NLGN1: variants seen among roughly 807,000 people sequenced by gnomAD.
NLGN1 encodes the protein neuroligin 1, also known as neuroligin-1.
In NLGN1, 12 loss-of-function variants were observed where a neutral mutation model predicts 65.5. The observed-to-expected ratio is 0.18, with a 90% CI of 0.12 to 0.30. The LOEUF (loss-of-function observed/expected upper bound fraction) is 0.30. Among genes scored for constraint, NLGN1 ranks in the 10% least tolerant of loss-of-function variants. The pLI, the probability that NLGN1 is intolerant of heterozygous loss-of-function variation, is 1.00. For missense variants in NLGN1, 750 were observed against 1,007.1 expected, an observed-to-expected ratio of 0.74 and a Z score of 3.46; for synonymous variants, 350 against 359.5, an observed-to-expected ratio of 0.97 and a Z score of 0.30.
chr3:173,494,524 T>G (rs1446793152), intron 2 of NLGN1, among the ~76,000 whole-genome samples: 2 of 151,712 alleles, frequency 1.3e-5, no homozygotes, highest in Non-Finnish European at 2.9e-5. Context: ...TTTTCAAAGA[T>G]TAGAATTTTT....
At chr3:174,049,154 G>A (rs1229649060) in intron 4 of NLGN1, among the ~76,000 whole-genome samples, 1 of 152,046 alleles carries the variant, frequency 6.6e-6, no homozygotes, top group African/African-American at 2.4e-5. Context: ...TTGGACAAAG[G>A]CTTAGACATA....
At chr3:173,539,569 CATATATGTTATGTT>C (rs1454975886) in intron 2 of NLGN1, among the ~76,000 whole-genome samples, 1 of 136,284 alleles carries the variant, frequency 7.3e-6, no homozygotes, top group Non-Finnish European at 1.5e-5. Flanking sequence ...ATATATATAA[CATATATGTTATGTT>C]ATATATGTTA....
rs139419219 is a variant in NLGN1, at chr3:173,812,251, A to G, written c.646+4419A>G. Among the ~76,000 whole-genome samples the G allele has an allele frequency of 3.3e-3, 506 of 152,286 alleles. 3 individuals are homozygous for G. The highest frequency in any genetic ancestry group is 0.012 in the African/African-American group (487 of 41,550). ...ACAATTAGATTTAGCTTACTTTATA[A>G]TTCTATGTGGGGCTAAATTGTTTAA... On this transcript the variant is annotated intron_variant, in intron 4 of 6. Coordinates refer to ENST00000457714, the Ensembl canonical transcript of NLGN1.
chr3:173,453,750 G>C (rs897020197), intron 2 of NLGN1, among the ~76,000 whole-genome samples: 2 of 152,204 alleles, frequency 1.3e-5, no homozygotes, highest in Non-Finnish European at 2.9e-5. Context: ...GTTTTTACCA[G>C]ATCTGCAGTT....
chr3:173,650,204 G>C lies in NLGN1; in HGVS notation c.493+45113G>C, dbSNP rs548098616. On this transcript the variant is annotated intron_variant, in intron 3 of 6. Coordinates refer to ENST00000457714, the Ensembl canonical transcript of NLGN1. ...TGAATATCCACTTCATTCATCTTCA[G>C]CTACATACTTCCTACTCATCATTAT... Among the ~76,000 whole-genome samples, 5 of 152,010 alleles carry C rather than the reference G, an allele frequency of 3.3e-5. No homozygotes were observed. In the South Asian group the frequency reaches 1.0e-3, roughly 32 times the overall value.
At chr3:174,116,220 A>T (rs755783778) in intron 4 of NLGN1, among the ~76,000 whole-genome samples, 2 of 151,618 alleles carry the variant, frequency 1.3e-5, no homozygotes, top group African/African-American at 4.8e-5. Context: ...GCTGTACACC[A>T]CCACCATCAA....
intron 3 of NLGN1, among the ~76,000 whole-genome samples, chr3:173,767,969 A>G (rs1779017082): frequency 6.6e-6 from 1 of 152,036 alleles, no homozygotes; most frequent in South Asian, 2.1e-4. Flanking sequence ...TGAACATATA[A>G]AAATCAATTT....
intron 2 of NLGN1, among the ~76,000 whole-genome samples, chr3:173,453,957 C>A (rs940485340): frequency 6.6e-6 from 1 of 152,190 alleles, no homozygotes; most frequent in Admixed American, 6.5e-5. Flanking sequence ...TGTCTATAGC[C>A]TTATGAAATG....
chr3:174,110,180 C>T (rs1714876647), intron 4 of NLGN1, among the ~76,000 whole-genome samples: 1 of 152,012 alleles, frequency 6.6e-6, no homozygotes, highest in Non-Finnish European at 1.5e-5. Context: ...GGCTTCTCCT[C>T]AGTGAACATT....
intron 5 of NLGN1, among the ~76,000 whole-genome samples, chr3:174,276,058 A>C (rs1478264658): frequency 6.6e-6 from 1 of 151,904 alleles, no homozygotes; most frequent in Non-Finnish European, 1.5e-5. Flanking sequence ...AAAATTGTCA[A>C]AGCATCAAGG....
intron 4 of NLGN1, among the ~76,000 whole-genome samples, chr3:174,143,236 G>GTACATAAATACTGTT (rs1722624503): frequency 6.6e-6 from 1 of 152,194 alleles, no homozygotes; most frequent in East Asian, 1.9e-4. Flanking sequence ...ATATTAAATA[G>GTACATAAATACTGTT]TACATAAATA....
chr3:173,864,916 A>T (rs979699423), intron 4 of NLGN1, among the ~76,000 whole-genome samples: 4 of 152,170 alleles, frequency 2.6e-5, no homozygotes, highest in African/African-American at 9.7e-5. Flanking sequence ...ACTGCCTTTT[A>T]GGGGGAAAAA....
intron 4 of NLGN1, among the ~76,000 whole-genome samples, chr3:174,028,626 TTA>T (rs1383283194): frequency 6.6e-6 from 1 of 152,196 alleles, no homozygotes; most frequent in East Asian, 1.9e-4. Context: ...GAATTGGAAC[TTA>T]TGTTTAAAAG....
chr3:173,472,121 A>G (rs1725412604), intron 2 of NLGN1, among the ~76,000 whole-genome samples: 1 of 152,188 alleles, frequency 6.6e-6, no homozygotes, highest in African/African-American at 2.4e-5. Flanking sequence ...CATTATATGT[A>G]AAGTAATGCA....
chr3:174,042,308 G>T (rs751413313), intron 4 of NLGN1, among the ~76,000 whole-genome samples: 1 of 151,972 alleles, frequency 6.6e-6, no homozygotes, highest in South Asian at 2.1e-4. Flanking sequence ...AGCCATACAG[G>T]TATCCCCCTG....
chr3:173,471,557 A>G (rs1725322769), intron 2 of NLGN1, among the ~76,000 whole-genome samples: 1 of 152,158 alleles, frequency 6.6e-6, no homozygotes, highest in African/African-American at 2.4e-5. Context: ...GCACAACTTC[A>G]TAATAAATAA....
chr3:173,715,902 A>G (rs1163695602), intron 3 of NLGN1, among the ~76,000 whole-genome samples: 2 of 152,044 alleles, frequency 1.3e-5, no homozygotes, highest in Non-Finnish European at 2.9e-5. Flanking sequence ...AAAAAATTTC[A>G]TTATTTAGAT....
chr3:174,106,782 A>G (rs1233604284), intron 4 of NLGN1, among the ~76,000 whole-genome samples: 1 of 152,064 alleles, frequency 6.6e-6, no homozygotes, highest in Non-Finnish European at 1.5e-5. Context: ...CCCCACTCTG[A>G]AGGCCTAAGA....
intron 4 of NLGN1, among the ~76,000 whole-genome samples, chr3:173,905,028 A>G (rs1483541394): frequency 2.6e-5 from 4 of 152,062 alleles, no homozygotes; most frequent in Non-Finnish European, 5.9e-5. Flanking sequence ...TCCTTTTTCT[A>G]GTTTCATGGG....
Sources: gnomAD v4.1 joint callset for allele counts (sites outside exome capture counted in the v4.1 genomes callset) on GRCh38, gnomAD v4.1.1 for gene constraint, MANE v1.5 for transcripts, NCBI Gene and HGNC (gene_info 2026-07-23, HGNC 2026-07-21) for gene names.